SVOP: variants seen among roughly 807,000 people sequenced by gnomAD.
SVOP encodes the protein SV2 related protein.
A neutral mutation model predicts 69.1 loss-of-function variants in SVOP; 17 were observed. The observed-to-expected ratio is 0.25, with a 90% CI of 0.17 to 0.37. The LOEUF (loss-of-function observed/expected upper bound fraction) is 0.37, where lower values mean the gene tolerates loss of function less well. Among genes scored for constraint, SVOP ranks in the 10% least tolerant of loss-of-function variants. SVOP has a pLI of 1.00. For synonymous variants in SVOP, 238 were observed against 238.6 expected (o/e 1.00, Z 0.02); for missense variants, 435 against 597.5 (o/e 0.73, Z 2.84).
At chr12:108,939,707 T>C (rs1308035053) in intron 8 of SVOP, among the ~76,000 whole-genome samples, 1 of 152,152 alleles carries the variant, frequency 6.6e-6, no homozygotes, top group Non-Finnish European at 1.5e-5. Context: ...AACATTCTGT[T>C]TCCTTTTTCA....
intron 6 of SVOP, among the ~76,000 whole-genome samples, chr12:108,960,001 A>G (rs1171738038): frequency 2.6e-5 from 4 of 152,216 alleles, no homozygotes; most frequent in African/African-American, 9.7e-5. Flanking sequence ...CTTCTAGGGA[A>G]AATGAGAGAT....
intron 5 of SVOP, among the ~76,000 whole-genome samples, chr12:108,971,407 C>T (rs548489481): frequency 3.5e-5 from 5 of 143,340 alleles, no homozygotes; most frequent in South Asian, 4.5e-4. Flanking sequence ...CCAGCCTGGG[C>T]GACAGAGCAA....
intron 1 of SVOP, among the ~76,000 whole-genome samples, chr12:109,012,517 A>G (rs1454904122): frequency 3.9e-5 from 6 of 152,214 alleles, no homozygotes; most frequent in Non-Finnish European, 5.9e-5. Context: ...CACCATACAT[A>G]TGTAATTTTT....
chr12:108,934,912 G>A (rs982600340), intron 10 of SVOP, among the ~76,000 whole-genome samples: 2 of 152,228 alleles, frequency 1.3e-5, no homozygotes, highest in African/African-American at 4.8e-5. Flanking sequence ...CTCTGCCTAT[G>A]GAGCAGCCAT....
At chr12:108,972,521 A>G (rs1035476079) in intron 4 of SVOP, 45 bp from the exon 5 acceptor site, 2 of 1,524,336 alleles carry the variant, frequency 1.3e-6, no homozygotes, top group African/African-American at 1.4e-5. Context: ...GATGTGGATC[A>G]TTGCACAGAA....
intron 13 of SVOP, among the ~76,000 whole-genome samples, chr12:108,919,025 C>T (rs2039731659): frequency 9.0e-6 from 1 of 110,736 alleles, no homozygotes; most frequent in African/African-American, 3.2e-5. Context: ...TGTACCCACA[C>T]TTGGGCCAAT....
intron 12 of SVOP, among the ~76,000 whole-genome samples, chr12:108,920,212 G>A (rs867714411): frequency 6.6e-6 from 1 of 152,196 alleles, no homozygotes; most frequent in African/African-American, 2.4e-5. Context: ...CCAATGCCTT[G>A]ATTGCAGCCA....
intron 6 of SVOP, among the ~76,000 whole-genome samples, chr12:108,948,457 T>C (rs982032105): frequency 6.6e-6 from 1 of 152,196 alleles, no homozygotes; most frequent in African/African-American, 2.4e-5. Flanking sequence ...TCTACATCTA[T>C]CAACAACAGA....
In SVOP at chr12:108,971,317, T is replaced by C. The variant is rs2137429875; in HGVS notation, c.453+1088A>G. 1.3e-5 allele frequency among the ~76,000 whole-genome samples: 2 copies of C among 151,866 alleles called. 1 individual carries two copies. The highest frequency in any genetic ancestry group is 6.8e-3 in the Middle Eastern group (2 of 294). Reference sequence around the variant, plus strand: ...GGTGGCAGGTGCCTGTAATCCCAGCTACTTGGGTGGCTGAGGCAGGAGAAT... The same window carrying C: ...GGTGGCAGGTGCCTGTAATCCCAGCCACTTGGGTGGCTGAGGCAGGAGAAT... On this transcript the variant is annotated intron_variant, in intron 5 of 15. Coordinates refer to ENST00000610966, the MANE Select transcript of SVOP (RefSeq NM_018711.5).
chr12:109,006,539 G>C (rs1013751702), intron 1 of SVOP, among the ~76,000 whole-genome samples: 1 of 152,168 alleles, frequency 6.6e-6, no homozygotes, highest in Non-Finnish European at 1.5e-5. Flanking sequence ...AGGGTATAGG[G>C]GGAGAACGTG....
intron 1 of SVOP, among the ~76,000 whole-genome samples, chr12:108,984,024 G>A (rs1244750345): frequency 2.0e-5 from 3 of 152,330 alleles, no homozygotes; most frequent in African/African-American, 2.4e-5. Flanking sequence ...AGTAGGTTAT[G>A]TGATTGAGGA....
intron 6 of SVOP, among the ~76,000 whole-genome samples, chr12:108,957,452 C>A (rs1346436523): frequency 6.6e-6 from 1 of 152,174 alleles, no homozygotes. Flanking sequence ...ACGTGAGCCA[C>A]CGTGCCCGGA....
At chr12:108,933,616 G>C (rs1181444032) in intron 11 of SVOP, among the ~76,000 whole-genome samples, 1 of 152,084 alleles carries the variant, frequency 6.6e-6, no homozygotes, top group African/African-American at 2.4e-5. Flanking sequence ...GGAAGCGGAG[G>C]CTGCAGTGAG....
chr12:108,922,568 A>G (rs1476618668), intron 12 of SVOP, 122 bp downstream of exon 12: 7 of 702,242 alleles, frequency 1.0e-5, no homozygotes, highest in Middle Eastern at 3.2e-4. Context: ...ATTGAAAAAC[A>G]AAGTCCCTCG....
intron 10 of SVOP, among the ~76,000 whole-genome samples, chr12:108,936,592 C>T (rs7300412): frequency 5.8e-4 from 89 of 152,292 alleles, no homozygotes; most frequent in African/African-American, 2.0e-3. Context: ...CCTCCCACCT[C>T]AGCCTCCTGA....
At chr12:108,974,144 A>C (rs1378507040) in intron 4 of SVOP, among the ~76,000 whole-genome samples, 1 of 152,206 alleles carries the variant, frequency 6.6e-6, no homozygotes, top group Non-Finnish European at 1.5e-5. Context: ...TTTTATGTGA[A>C]CAAAGCTTTT....
intron 1 of SVOP, among the ~76,000 whole-genome samples, chr12:108,991,640 G>A (rs1303718584): frequency 6.6e-6 from 1 of 151,846 alleles, no homozygotes; most frequent in Non-Finnish European, 1.5e-5. Context: ...ATTTTCAGTA[G>A]AGACAGACTT....
Position 109,004,702 on chromosome 12 carries a change from TATTTCATTTCATTTC to T in SVOP, c.35+16117_35+16131del, listed in dbSNP as rs149632810. Among the ~76,000 whole-genome samples the T allele has an allele frequency of 4.3e-3, 626 of 146,452 alleles. 6 individuals are homozygous for T. The highest frequency in any genetic ancestry group is 0.013 in the African/African-American group (498 of 39,602). ...GCCACCATGCCCGGCCTGATACAAGTATTTCATTTCATTTCATTTCATTTCATTTCATTTCATTTC... is the reference window on the plus strand; with the variant it reads ...GCCACCATGCCCGGCCTGATACAAGTATTTCATTTCATTTCATTTCATTTC... On this transcript the variant is annotated intron_variant, in intron 1 of 15. Transcript: ENST00000610966.
At chr12:108,987,056 C>T (rs1277806661) in intron 1 of SVOP, among the ~76,000 whole-genome samples, 1 of 152,182 alleles carries the variant, frequency 6.6e-6, no homozygotes, top group East Asian at 1.9e-4. Context: ...AATTCAGTGA[C>T]ATTAAGTTTC....
Sources: gnomAD v4.1 joint callset for allele counts (sites outside exome capture counted in the v4.1 genomes callset) on GRCh38, gnomAD v4.1.1 for gene constraint, MANE v1.5 for transcripts, NCBI Gene and HGNC (gene_info 2026-07-23, HGNC 2026-07-21) for gene names.